The following TMCC1 variants were observed in gnomAD, a reference collection of about 807,000 sequenced individuals.
The protein encoded by TMCC1 is transmembrane and coiled-coil domain family 1.
Under a neutral mutation model 52.4 loss-of-function variants are expected in TMCC1, and 15 were observed. That is an observed-to-expected ratio of 0.29 (90% CI 0.19 to 0.44). TMCC1 has a LOEUF of 0.44. Ranked by LOEUF, TMCC1 falls within the 20% of genes least tolerant of loss-of-function variation. The probability of loss-of-function intolerance (pLI) is 1.00; values close to 1 mark genes in which losing one functional copy is unlikely to be tolerated. For missense variants in TMCC1, 503 were observed against 806.0 expected (o/e 0.62, Z 4.55); for synonymous variants, 279 against 301.9 (o/e 0.92, Z 0.79).
At chr3:129,701,767 G>A (rs2047853239) in intron 4 of TMCC1, among the ~76,000 whole-genome samples, 1 of 152,076 alleles carries the variant, frequency 6.6e-6, no homozygotes, top group African/African-American at 2.4e-5. Flanking sequence ...ATGGAATCAT[G>A]TACCACCCAG....
At chr3:129,826,301 A>G (rs1382794023) in intron 4 of TMCC1, among the ~76,000 whole-genome samples, 1 of 150,782 alleles carries the variant, frequency 6.6e-6, no homozygotes, top group African/African-American at 2.4e-5. Context: ...CAGGAGTTTG[A>G]GACTGGCCTG....
Position 129,828,233 on chromosome 3 carries a change from C to CCAAT in TMCC1, c.142_145dup (p.Gly49AspfsTer22). On this transcript the variant is annotated frameshift_variant, in exon 4 of 7. Coordinates refer to ENST00000393238, the MANE Select transcript of TMCC1 (RefSeq NM_001017395.5). LOFTEE classifies it high-confidence loss of function. The surrounding 1 kb of genome is among the most constrained non-coding windows in gnomAD (Gnocchi z 4.1). The stretch of plus-strand genomic sequence containing the variant: ...CTGGAAGAGATGCTTCAAGCCTTGG[C>CCAAT]CAATCACGTTAATGTTCTCCAAAGC... The CCAAT allele has an allele frequency of 6.2e-7, 1 of 1,614,148 alleles. No individual in the cohort carries two copies. The highest frequency in any genetic ancestry group is 8.5e-7 in the Non-Finnish European group (1 of 1,180,026).
At chr3:129,890,097 T>C (rs2061896496) in intron 1 of TMCC1, among the ~76,000 whole-genome samples, 1 of 152,058 alleles carries the variant, frequency 6.6e-6, no homozygotes, top group Non-Finnish European at 1.5e-5. Context: ...CTAGGCAACA[T>C]ATGAGACCCC....
intron 3 of TMCC1, among the ~76,000 whole-genome samples, chr3:129,831,427 T>C (rs1394166504): frequency 2.0e-5 from 3 of 152,146 alleles, no homozygotes; most frequent in Non-Finnish European, 2.9e-5. Context: ...TACCAGCACA[T>C]AGCCTCACTT....
intron 4 of TMCC1, among the ~76,000 whole-genome samples, chr3:129,684,305 G>T (rs1489881993): frequency 6.6e-6 from 1 of 152,172 alleles, no homozygotes; most frequent in African/African-American, 2.4e-5. Flanking sequence ...TTCTGAAAAG[G>T]CAAATTGAAT....
chr3:129,874,578 C>G (rs1388993844), intron 2 of TMCC1, among the ~76,000 whole-genome samples: 2 of 151,936 alleles, frequency 1.3e-5, no homozygotes, highest in African/African-American at 4.9e-5. Flanking sequence ...ACATACAGGG[C>G]AGGTGCAGTG....
At chr3:129,761,621 T>C (rs1411858229) in intron 4 of TMCC1, among the ~76,000 whole-genome samples, 3 of 152,216 alleles carry the variant, frequency 2.0e-5, no homozygotes, top group African/African-American at 4.8e-5. Flanking sequence ...AAAATCCCTG[T>C]GCTTCCTATT....
At chr3:129,864,217 C>A (rs183637837) in intron 2 of TMCC1, among the ~76,000 whole-genome samples, 41 of 152,238 alleles carry the variant, frequency 2.7e-4, no homozygotes, top group Admixed American at 2.4e-3. Context: ...AAGTATGGCT[C>A]TTATTTCAGT....
intron 2 of TMCC1, among the ~76,000 whole-genome samples, chr3:129,849,413 T>A (rs2059807677): frequency 6.6e-6 from 1 of 151,382 alleles, no homozygotes; most frequent in Non-Finnish European, 1.5e-5. Context: ...TGAGCTGAGA[T>A]TGCATGCCAC....
intron 1 of TMCC1, among the ~76,000 whole-genome samples, chr3:129,889,421 G>A (rs1432256972): frequency 1.3e-5 from 2 of 152,184 alleles, no homozygotes; most frequent in Non-Finnish European, 2.9e-5. Context: ...GGGATCCTGG[G>A]ATAGTGAAAG....
chr3:129,830,315 T>C (rs1367938220), intron 3 of TMCC1, among the ~76,000 whole-genome samples: 3 of 152,224 alleles, frequency 2.0e-5, no homozygotes, highest in Non-Finnish European at 4.4e-5. Context: ...ATTTTGCCAA[T>C]AGTTTATATA....
chr3:129,831,728 A>T (rs1310642951), intron 3 of TMCC1, among the ~76,000 whole-genome samples: 3 of 152,236 alleles, frequency 2.0e-5, no homozygotes, highest in Non-Finnish European at 4.4e-5. Context: ...TGACAGTAAG[A>T]ATGCAAGCAC....
intron 1 of TMCC1, among the ~76,000 whole-genome samples, chr3:129,881,663 A>G (rs969095641): frequency 2.6e-5 from 4 of 152,256 alleles, no homozygotes; most frequent in Admixed American, 2.0e-4. Flanking sequence ...GGCAGTATTT[A>G]TTGATACCTG....
chr3:129,782,731 T>C (rs1474720271), intron 4 of TMCC1, among the ~76,000 whole-genome samples: 1 of 152,362 alleles, frequency 6.6e-6, no homozygotes, highest in Admixed American at 6.5e-5. Context: ...TCATCTTTTC[T>C]ATGACTTTTC....
chr3:129,713,113 A>G (rs575681156), intron 4 of TMCC1, among the ~76,000 whole-genome samples: 1 of 152,078 alleles, frequency 6.6e-6, no homozygotes, highest in Non-Finnish European at 1.5e-5. Context: ...AATAAAAAAA[A>G]TTGCTAGTTG....
chr3:129,794,882 A>G (rs2056715920), intron 4 of TMCC1, among the ~76,000 whole-genome samples: 1 of 151,846 alleles, frequency 6.6e-6, no homozygotes, highest in African/African-American at 2.4e-5. Context: ...ACCCTTCTCT[A>G]CCTCCACCTT....
At chr3:129,757,372 T>C (rs548680356) in intron 4 of TMCC1, among the ~76,000 whole-genome samples, 62 of 152,224 alleles carry the variant, frequency 4.1e-4, no homozygotes, top group Admixed American at 6.5e-4. Context: ...CTCTGCAAAT[T>C]ACAAATTTCT....
chr3:129,664,321 T>C (rs774227658), intron 5 of TMCC1, among the ~76,000 whole-genome samples: 6 of 152,202 alleles, frequency 3.9e-5, no homozygotes, highest in Non-Finnish European at 5.9e-5. Context: ...GCATACATCA[T>C]TGGGTTATGT....
chr3:129,841,600 A>T (rs1277422498), intron 2 of TMCC1, among the ~76,000 whole-genome samples: 1 of 152,156 alleles, frequency 6.6e-6, no homozygotes, highest in African/African-American at 2.4e-5. Flanking sequence ...TAATAATAAT[A>T]ATGAAAATGT....
Sources: gnomAD v4.1 joint callset for allele counts (sites outside exome capture counted in the v4.1 genomes callset) on GRCh38, gnomAD v4.1.1 for gene constraint, Gnocchi (gnomAD v3.1) non-coding constraint, MANE v1.5 for transcripts, NCBI Gene and HGNC (gene_info 2026-07-23, HGNC 2026-07-21) for gene names.